MYO3B: variants seen among roughly 807,000 people sequenced by gnomAD.
MYO3B encodes myosin IIIB, also known as myosin-IIIb.
In MYO3B, 156 loss-of-function variants were observed where a neutral mutation model predicts 174.6. The ratio of observed to expected loss-of-function variants is 0.89; its 90% CI spans 0.78 to 1.02. The LOEUF (loss-of-function observed/expected upper bound fraction) is 1.02, where lower values mean the gene tolerates loss of function less well. MYO3B is among the 50% of genes least tolerant of loss of function. The pLI is 0.00. For synonymous variants in MYO3B, 563 were observed against 569.1 expected, an observed-to-expected ratio of 0.99 and a Z score of 0.15; for missense variants, 1,632 against 1,639.4, an observed-to-expected ratio of 1.00 and a Z score of 0.08.
intron 25 of MYO3B, among the ~76,000 whole-genome samples, chr2:170,495,869 A>G (rs1414036849): frequency 2.0e-5 from 3 of 152,214 alleles, no homozygotes; most frequent in African/African-American, 4.8e-5. Context: ...CACCATCCCT[A>G]TGTGCTCCAT....
chr2:170,181,235 GT>G (rs1268799835), intron 1 of MYO3B, among the ~76,000 whole-genome samples: 3 of 151,950 alleles, frequency 2.0e-5, no homozygotes, highest in Non-Finnish European at 4.4e-5. Flanking sequence ...CTGTTGAAAA[GT>G]TTTCCTTTCT....
chr2:170,497,094 C>T (rs1176422517), intron 25 of MYO3B, among the ~76,000 whole-genome samples: 2 of 152,158 alleles, frequency 1.3e-5, no homozygotes. Context: ...TCACGTTCTC[C>T]TGCCCTTCTG....
At chr2:170,498,757 C>A in intron 26 of MYO3B, 54 bp downstream of exon 26, 2 of 1,178,850 alleles carry the variant, frequency 1.7e-6, no homozygotes, top group South Asian at 1.2e-5. Flanking sequence ...TGTCTCTTGT[C>A]AGTGATGTCA....
At chr2:170,644,669 A>G (rs1698232877) in intron 32 of MYO3B, 1 of 152,248 alleles carries the variant, frequency 6.6e-6, no homozygotes, top group African/African-American at 2.4e-5. Context: ...AAGAGAAAAG[A>G]AAAATTAAAT....
chr2:170,281,151 T>C (rs1397708735), intron 7 of MYO3B, among the ~76,000 whole-genome samples: 1 of 152,192 alleles, frequency 6.6e-6, no homozygotes, highest in Admixed American at 6.5e-5. Context: ...TCTGATTTCT[T>C]TGAGCAGTGT....
At chr2:170,512,624 C>T (rs921609167) in intron 28 of MYO3B, among the ~76,000 whole-genome samples, 3 of 152,132 alleles carry the variant, frequency 2.0e-5, no homozygotes, top group Non-Finnish European at 4.4e-5. Context: ...AATGCCAGGC[C>T]AGGCCAGAGC....
At chr2:170,618,778 A>T (rs962884340) in intron 32 of MYO3B, among the ~76,000 whole-genome samples, 1 of 152,202 alleles carries the variant, frequency 6.6e-6, no homozygotes, top group Non-Finnish European at 1.5e-5. Flanking sequence ...TGAGATGGTC[A>T]CATGGGGATG....
At chr2:170,531,072 C>A (rs1559089109) in intron 30 of MYO3B, among the ~76,000 whole-genome samples, 1 of 152,192 alleles carries the variant, frequency 6.6e-6, no homozygotes, top group Non-Finnish European at 1.5e-5. Flanking sequence ...CCAAGTCATG[C>A]CTTTCTGGAT....
intron 30 of MYO3B, 56 bp downstream of exon 30, chr2:170,519,596 G>C: frequency 7.5e-7 from 1 of 1,333,694 alleles, no homozygotes; most frequent in Non-Finnish European, 1.1e-6. Flanking sequence ...CCATTCTAAT[G>C]GATAATGAAA....
At chr2:170,515,652 G>C (rs989520628) in intron 29 of MYO3B, among the ~76,000 whole-genome samples, 2 of 151,978 alleles carry the variant, frequency 1.3e-5, no homozygotes, top group Non-Finnish European at 2.9e-5. Flanking sequence ...ACTTCTGCTT[G>C]AGAGGCTATG....
chr2:170,400,396 C>G, intron 17 of MYO3B, 82 bp downstream of exon 17: 34 of 1,274,690 alleles, frequency 2.7e-5, no homozygotes, highest in Non-Finnish European at 3.4e-5. Context: ...GCAGCATTTG[C>G]TGGTCCTTTT....
intron 28 of MYO3B, among the ~76,000 whole-genome samples, chr2:170,504,354 C>G (rs781354930): frequency 3.3e-5 from 5 of 152,168 alleles, no homozygotes; most frequent in Non-Finnish European, 5.9e-5. Context: ...TTTAAAAGAG[C>G]GGCCCTTGAA....
intron 12 of MYO3B, 98 bp downstream of exon 12, chr2:170,383,912 G>A: frequency 1.0e-6 from 1 of 996,656 alleles, no homozygotes; most frequent in South Asian, 1.4e-5. Context: ...TTCCATTCCG[G>A]TTGCTGGTGC....
chr2:170,584,649 C>T (rs762080292), intron 32 of MYO3B, among the ~76,000 whole-genome samples: 10 of 152,216 alleles, frequency 6.6e-5, no homozygotes, highest in African/African-American at 1.2e-4. Context: ...TTGGACCTTT[C>T]GCACTTGTTA....
Position 170,403,001 on chromosome 2 carries a change from AG to A in MYO3B, c.2277+7del, listed in dbSNP as rs2105801086. On this transcript the variant is annotated splice_region_variant and intron_variant, in intron 19 of 34. Transcript: ENST00000408978. The stretch of plus-strand genomic sequence containing the variant: ...ATGTTTTTGCTCTTGAGCAGGTAAT[AG>A]TGAACTCTGAGGTAACTAAACTTGA... The A allele has an allele frequency of 6.3e-7, 1 of 1,583,260 alleles. No individual in the cohort carries two copies. The highest frequency in any genetic ancestry group is 2.2e-5 in the East Asian group (1 of 44,474).
chr2:170,487,172 G>A (rs566477090), intron 25 of MYO3B, among the ~76,000 whole-genome samples: 3 of 152,246 alleles, frequency 2.0e-5, no homozygotes, highest in African/African-American at 7.2e-5. Flanking sequence ...TAAGCTCCAC[G>A]TTCCCAGCCT....
At chr2:170,533,038 A>C (rs1440625405) in intron 30 of MYO3B, among the ~76,000 whole-genome samples, 1 of 152,194 alleles carries the variant, frequency 6.6e-6, no homozygotes, top group Non-Finnish European at 1.5e-5. Flanking sequence ...TAAACAAGTC[A>C]GTGCCACTTC....
At chr2:170,523,467 T>G (rs1688805788) in intron 30 of MYO3B, among the ~76,000 whole-genome samples, 16 of 110,838 alleles carry the variant, frequency 1.4e-4, no homozygotes, top group African/African-American at 2.8e-4. Flanking sequence ...GGGGTGGGAG[T>G]AGGGAGGGGT....
At chr2:170,569,673 C>T (rs1021713746) in intron 32 of MYO3B, among the ~76,000 whole-genome samples, 3 of 151,384 alleles carry the variant, frequency 2.0e-5, no homozygotes, top group African/African-American at 7.3e-5. Flanking sequence ...ACCAGCCTGG[C>T]CAACATGGTG....
Sources: gnomAD v4.1 joint callset for allele counts (sites outside exome capture counted in the v4.1 genomes callset) on GRCh38, gnomAD v4.1.1 for gene constraint, MANE v1.5 for transcripts, NCBI Gene and HGNC (gene_info 2026-07-23, HGNC 2026-07-21) for gene names.